Variants in RXFP4 observed in about 807,000 individuals in gnomAD.
RXFP4 encodes the protein relaxin family peptide/INSL5 receptor 4, also known as relaxin-3 receptor 2.
For missense variants in RXFP4, 425 were observed against 491.3 expected, an observed-to-expected ratio of 0.87 and a Z score of 1.28; for synonymous variants, 182 against 218.0, an observed-to-expected ratio of 0.83 and a Z score of 1.45.
chr1:155,942,906 C>T lies in RXFP4; in HGVS notation c.*72C>T. 1 of 1,379,244 alleles carries T rather than the reference C, an allele frequency of 7.3e-7. No individual in the cohort carries two copies. 85.4% of individuals were successfully genotyped at this position (1,379,244 alleles called of 1,614,324 possible). A position where few individuals can be genotyped will look rare whatever the true frequency, so the allele number is the denominator to read the frequency against. ...AGGATCCTTGAGTCCTGGGGAGAAG[C>T]TGCCCTCTCTGCCAGGCTGCAGTGC... On this transcript the variant is annotated 3_prime_UTR_variant, in exon 1 of 1. Coordinates refer to ENST00000368318, the MANE Select transcript of RXFP4 (RefSeq NM_181885.3). This position sits in a 1 kb window ranked among gnomAD's most constrained non-coding sequence, Gnocchi z 5.2.
chr1:155,942,811 C>G lies in RXFP4; in HGVS notation c.1102C>G (p.Leu368Val), dbSNP rs756960746. 10 of 1,526,628 alleles carry G rather than the reference C, an allele frequency of 6.6e-6. No individual in the cohort carries two copies. The highest frequency in any genetic ancestry group is 7.9e-6 in the Non-Finnish European group (9 of 1,143,276). The allele number at this position is 1,526,628 out of a possible 1,614,324, so 94.6% of individuals were successfully genotyped here. A position where few individuals can be genotyped will look rare whatever the true frequency, so the allele number is the denominator to read the frequency against. The change falls in exon 1 of 1, where the codon CTG becomes GTG. Residue 368 changes from leucine to valine, a missense_variant. Physicochemically the swap from Leu to Val is conservative, Grantham distance 32. Transcript: ENST00000368318. This position sits in a 1 kb window ranked among gnomAD's most constrained non-coding sequence, Gnocchi z 5.2. ...ESRPSTLLTN[L>V]DRGTPG ...CCGCCCTTCTACCCTGCTCACCAAC[C>G]TGGACAGAGGGACACCCGGGTGAAG...
chr1:155,942,880 T>G lies in RXFP4; in HGVS notation c.*46T>G, dbSNP rs537991681. Reference sequence around the variant, plus strand: ...TCCTCTTTCTGAGATCCACCAAGTGTAGGATCCTTGAGTCCTGGGGAGAAG... The same window carrying G: ...TCCTCTTTCTGAGATCCACCAAGTGGAGGATCCTTGAGTCCTGGGGAGAAG... On this transcript the variant is annotated 3_prime_UTR_variant, in exon 1 of 1. Coordinates refer to ENST00000368318, the MANE Select transcript of RXFP4 (RefSeq NM_181885.3). The surrounding 1 kb of genome is among the most constrained non-coding windows in gnomAD (Gnocchi z 5.2). 5 of 1,479,842 alleles carry G rather than the reference T, an allele frequency of 3.4e-6. No individual in the cohort carries two copies. The East Asian group carries it at 1.2e-4, about 34-fold the overall frequency. 91.7% of individuals were successfully genotyped at this position (1,479,842 alleles called of 1,614,324 possible).
chr1:155,941,797 C>T lies in RXFP4; in HGVS notation c.88C>T (p.Pro30Ser). The T allele has an allele frequency of 6.2e-7, 1 of 1,614,228 alleles. No individual in the cohort carries two copies. The highest frequency in any genetic ancestry group is 8.5e-7 in the Non-Finnish European group (1 of 1,180,038). The change falls in exon 1 of 1, where the codon CCG becomes TCG. Residue 30 changes from proline (P) to serine (S), a missense_variant. Pro to Ser is a moderately conservative substitution (Grantham distance 74). Coordinates refer to ENST00000368318, the MANE Select transcript of RXFP4 (RefSeq NM_181885.3). ...GGSVLSADDA[P>S]MPVKFLALRL... ...CAGTGTGCTGAGTGCTGATGATGCT[C>T]CGATGCCTGTCAAATTCCTAGCCCT...
chr1:155,942,785 G>T lies in RXFP4; in HGVS notation c.1076G>T (p.Ser359Ile). 1 of 1,561,530 alleles carries T rather than the reference G, an allele frequency of 6.4e-7. No homozygotes were observed. The highest frequency in any genetic ancestry group is 8.6e-7 in the Non-Finnish European group (1 of 1,159,178). ...TGGGTCGCAAGCAACCCCCGGGAGA[G>T]CCGCCCTTCTACCCTGCTCACCAAC... is the stretch of plus-strand genomic sequence containing the variant. ...RRWVASNPRE[S>I]RPSTLLTNLD... The change falls in exon 1 of 1, where the codon AGC becomes ATC. Residue 359 changes from serine (S) to isoleucine (I), a missense_variant. Ser to Ile is a moderately radical substitution (Grantham distance 142, BLOSUM62 -2). Transcript: ENST00000368318. This position sits in a 1 kb window ranked among gnomAD's most constrained non-coding sequence, Gnocchi z 5.2.
At position 155,942,738 on chromosome 1, in the gene RXFP4, C is replaced by T; in HGVS notation, c.1029C>T (p.Ala343=). 6.3e-7 allele frequency: 1 copy of T among 1,599,716 alleles called. No individual in the cohort carries two copies. The highest frequency in any genetic ancestry group is 2.2e-5 in the East Asian group (1 of 44,786). Residue 343 remains alanine (A), a synonymous_variant, in exon 1 of 1, where the codon GCC becomes GCT. Transcript: ENST00000368318. The surrounding 1 kb of genome is among the most constrained non-coding windows in gnomAD (Gnocchi z 5.2). ...PQGGGWVQQV[A]LKQVGRRWVA... is the part of the protein sequence containing the mutation. ...GCGGAGGCTGGGTGCAACAGGTGGCCCTAAAGCAGGTAGGCAGGCGGTGGG... is the reference window on the plus strand; with the variant it reads ...GCGGAGGCTGGGTGCAACAGGTGGCTCTAAAGCAGGTAGGCAGGCGGTGGG...
Position 155,941,693 on chromosome 1 carries a change from ATC to A in RXFP4, c.-13_-12del. ...CAGACCTCTCTTCTCAGCACCACCA[ATC>A]TCTGATGCCCTGCGATGCCCACACT... On this transcript the variant is annotated 5_prime_UTR_variant, in exon 1 of 1. Coordinates refer to ENST00000368318, the MANE Select transcript of RXFP4 (RefSeq NM_181885.3). 6.2e-7 allele frequency: 1 copy of A among 1,610,048 alleles called. No homozygotes were observed.
chr1:155,942,963 A>G lies in RXFP4; in HGVS notation c.*129A>G, dbSNP rs1674343792. ...GGAAAAGTCTGATCTTTGATCCCCA[A>G]CTCTGGGTGTGGTGAATGGGGGAGG... On this transcript the variant is annotated 3_prime_UTR_variant, in exon 1 of 1. Coordinates refer to ENST00000368318, the MANE Select transcript of RXFP4 (RefSeq NM_181885.3). The surrounding 1 kb of genome is among the most constrained non-coding windows in gnomAD (Gnocchi z 5.2). The G allele has an allele frequency of 3.4e-6, 3 of 886,644 alleles. No individual in the cohort carries two copies. Among genetic ancestry groups the G allele is most frequent in the South Asian group, 2.2e-5 (1 of 44,882 alleles). The allele number at this position is 886,644 out of a possible 1,614,324, so 54.9% of individuals were successfully genotyped here. A position where few individuals can be genotyped will look rare whatever the true frequency, so the allele number is the denominator to read the frequency against.
At position 155,942,442 on chromosome 1, in the gene RXFP4, G is replaced by A; in HGVS notation, c.733G>A (p.Ala245Thr). The A allele has an allele frequency of 1.3e-6, 2 of 1,580,936 alleles. No homozygotes were observed. The highest frequency in any genetic ancestry group is 1.7e-6 in the Non-Finnish European group (2 of 1,161,514). Reference protein sequence around the residue: ...QRRRQDSRVVARSVRILVASF... With the variant: ...QRRRQDSRVVTRSVRILVASF... ...GCGGCGGCAGGACAGCAGGGTCGTG[G>A]CCCGCTCTGTCCGCATCCTGGTGGC... The change falls in exon 1 of 1, where the codon GCC becomes ACC. Residue 245 changes from alanine (A) to threonine (T), a missense_variant. Coordinates refer to ENST00000368318, the MANE Select transcript of RXFP4 (RefSeq NM_181885.3). The surrounding 1 kb of genome is among the most constrained non-coding windows in gnomAD (Gnocchi z 5.2).
chr1:155,942,674 G>A lies in RXFP4; in HGVS notation c.965G>A (p.Gly322Asp), dbSNP rs202202296. The change falls in exon 1 of 1, where the codon GGC (glycine) becomes GAC (aspartate). Residue 322 changes from glycine (G) to aspartate (D), a missense_variant. Transcript: ENST00000368318. The surrounding 1 kb of genome is among the most constrained non-coding windows in gnomAD (Gnocchi z 5.2). ...LRREPRQALA[G>D]TFRDLRLRLW... ...CGGGAGCCCCGGCAGGCTCTGGCAG[G>A]CACCTTCAGGGATCTGCGGTTGAGG... is the stretch of plus-strand genomic sequence containing the variant. The A allele has an allele frequency of 1.9e-4, 311 of 1,613,374 alleles. No homozygotes were observed. Among genetic ancestry groups the A allele is most frequent in the Admixed American group, 7.5e-4 (45 of 60,014 alleles).
At position 155,942,908 on chromosome 1, in the gene RXFP4, G is replaced by A. The variant is rs986195450; in HGVS notation, c.*74G>A. ...GATCCTTGAGTCCTGGGGAGAAGCTGCCCTCTCTGCCAGGCTGCAGTGCCC... is the reference window on the plus strand; with the variant it reads ...GATCCTTGAGTCCTGGGGAGAAGCTACCCTCTCTGCCAGGCTGCAGTGCCC... On this transcript the variant is annotated 3_prime_UTR_variant, in exon 1 of 1. Coordinates refer to ENST00000368318, the MANE Select transcript of RXFP4 (RefSeq NM_181885.3). This position sits in a 1 kb window ranked among gnomAD's most constrained non-coding sequence, Gnocchi z 5.2. 3 of 1,378,248 alleles carry A rather than the reference G, an allele frequency of 2.2e-6. No individual in the cohort carries two copies. Among genetic ancestry groups the A allele is most frequent in the African/African-American group, 2.9e-5 (2 of 68,876 alleles). 85.4% of individuals were successfully genotyped at this position (1,378,248 alleles called of 1,614,324 possible).
In RXFP4 at chr1:155,942,202, G is replaced by C. The variant is rs2102616539; in HGVS notation, c.493G>C (p.Val165Leu). 6.2e-7 allele frequency: 1 copy of C among 1,614,030 alleles called. No homozygotes were observed. The highest frequency in any genetic ancestry group is 8.5e-7 in the Non-Finnish European group (1 of 1,180,036). The change falls in exon 1 of 1, where the codon GTG (valine) becomes CTG (leucine). Residue 165 changes from valine (V) to leucine (L), a missense_variant. Transcript: ENST00000368318. The surrounding 1 kb of genome is among the most constrained non-coding windows in gnomAD (Gnocchi z 5.2). ...CTGGGCCCGAATAGCCACCCTGGCA[G>C]TGTGGGCGGCGGCTGCCCTGGTGAC... The part of the protein sequence containing the change: ...LFWARIATLA[V>L]WAAAALVTVP...
At position 155,942,306 on chromosome 1, in the gene RXFP4, C is replaced by T. The variant is rs1444728293; in HGVS notation, c.597C>T (p.Tyr199=). ...RLCLLRFPSR[Y]WLGAYQLQRV... ...GCCTGCTGCGTTTCCCCAGCAGGTA[C>T]TGGCTGGGGGCCTACCAGCTGCAGA... The change falls in exon 1 of 1, where the codon TAC becomes TAT. Residue 199 remains tyrosine, a synonymous_variant. Transcript: ENST00000368318. This position sits in a 1 kb window ranked among gnomAD's most constrained non-coding sequence, Gnocchi z 5.2. The T allele has an allele frequency of 8.8e-6, 14 of 1,591,620 alleles. No individual in the cohort carries two copies. Among genetic ancestry groups the T allele is most frequent in the Non-Finnish European group, 1.1e-5 (13 of 1,165,900 alleles).
Position 155,943,014 on chromosome 1 carries a change from T to C in RXFP4, c.*180T>C. ...CGGGGGCTCAGATCAGAGCTGGATG[T>C]GACAAAGCTTAAGTCTTTATTTGGA... On this transcript the variant is annotated 3_prime_UTR_variant, in exon 1 of 1. Transcript: ENST00000368318. 1.9e-6 allele frequency: 1 copy of C among 517,164 alleles called. No individual in the cohort carries two copies. Among genetic ancestry groups the C allele is most frequent in the Non-Finnish European group, 3.3e-6 (1 of 301,296 alleles). 32.0% of individuals were successfully genotyped at this position (517,164 alleles called of 1,614,324 possible). A position where few individuals can be genotyped will look rare whatever the true frequency, so the allele number is the denominator to read the frequency against.
In RXFP4 at chr1:155,942,080, A is replaced by T; in HGVS notation, c.371A>T (p.Asn124Ile). Residue 124 changes from asparagine to isoleucine, a missense_variant, in exon 1 of 1, where the codon AAC becomes ATC. Coordinates refer to ENST00000368318, the MANE Select transcript of RXFP4 (RefSeq NM_181885.3). This position sits in a 1 kb window ranked among gnomAD's most constrained non-coding sequence, Gnocchi z 5.2. ...ATGGTTCTGACGGCCACTGTCCTCA[A>T]CGTCTATGCCAGCATCTTCCTCATC... ...CKMVLTATVL[N>I]VYASIFLITA... is the part of the protein sequence containing the mutation. 1 of 1,611,546 alleles carries T rather than the reference A, an allele frequency of 6.2e-7. No homozygotes were observed. Among genetic ancestry groups the T allele is most frequent in the Non-Finnish European group, 8.5e-7 (1 of 1,180,010 alleles).
In RXFP4 at chr1:155,942,931, C is replaced by A; in HGVS notation, c.*97C>A. On this transcript the variant is annotated 3_prime_UTR_variant, in exon 1 of 1. Coordinates refer to ENST00000368318, the MANE Select transcript of RXFP4 (RefSeq NM_181885.3). This position sits in a 1 kb window ranked among gnomAD's most constrained non-coding sequence, Gnocchi z 5.2. Reference sequence around the variant, plus strand: ...CTGCCCTCTCTGCCAGGCTGCAGTGCCCTCAGGGAAAAGTCTGATCTTTGA... The same window carrying A: ...CTGCCCTCTCTGCCAGGCTGCAGTGACCTCAGGGAAAAGTCTGATCTTTGA... The A allele has an allele frequency of 1.6e-6, 2 of 1,236,860 alleles. No homozygotes were observed. Among genetic ancestry groups the A allele is most frequent in the Non-Finnish European group, 2.2e-6 (2 of 927,572 alleles). 76.6% of individuals were successfully genotyped at this position (1,236,860 alleles called of 1,614,324 possible). A position where few individuals can be genotyped will look rare whatever the true frequency, so the allele number is the denominator to read the frequency against.
rs769282364 is a variant in RXFP4, at chr1:155,941,759, A to G, written c.50A>G (p.Asn17Ser). Residue 17 changes from asparagine to serine, a missense_variant, in exon 1 of 1, where the codon AAT becomes AGT. Transcript: ENST00000368318. ...SASPPTFFWA[N>S]ASGGSVLSAD... ...TCTCCACCCACATTCTTCTGGGCCA[A>G]TGCCTCCGGAGGCAGTGTGCTGAGT... The G allele has an allele frequency of 1.8e-5, 29 of 1,613,962 alleles. No individual in the cohort carries two copies. The highest frequency in any genetic ancestry group is 2.4e-5 in the Non-Finnish European group (28 of 1,179,994).
chr1:155,941,713 C>A lies in RXFP4; in HGVS notation c.4C>A (p.Pro2Thr). ...CACCAATCTCTGATGCCCTGCGATGCCCACACTCAATACTTCTGCCTCTCC... is the reference window on the plus strand; with the variant it reads ...CACCAATCTCTGATGCCCTGCGATGACCACACTCAATACTTCTGCCTCTCC... MPTLNTSASPPT... is the reference protein window; with the variant it reads MTTLNTSASPPT... The change falls in exon 1 of 1, where the codon CCC (proline) becomes ACC (threonine). Residue 2 changes from proline (P) to threonine (T), a missense_variant. By Grantham distance (38) the Pro-to-Thr change is conservative. Coordinates refer to ENST00000368318, the MANE Select transcript of RXFP4 (RefSeq NM_181885.3). The A allele has an allele frequency of 6.2e-7, 1 of 1,613,582 alleles. No homozygotes were observed. Among genetic ancestry groups the A allele is most frequent in the Non-Finnish European group, 8.5e-7 (1 of 1,179,582 alleles).
In RXFP4 at chr1:155,942,161, C is replaced by T; in HGVS notation, c.452C>T (p.Thr151Ile). 1 of 1,613,878 alleles carries T rather than the reference C, an allele frequency of 6.2e-7. No individual in the cohort carries two copies. Among genetic ancestry groups the T allele is most frequent in the Non-Finnish European group, 8.5e-7 (1 of 1,179,992 alleles). ...WVVAMAAGPG[T>I]HLSLFWARIA... The stretch of plus-strand genomic sequence containing the variant: ...GTGGCCATGGCTGCGGGGCCAGGCA[C>T]CCACCTCTCACTCTTCTGGGCCCGA... Residue 151 changes from threonine (T) to isoleucine (I), a missense_variant, in exon 1 of 1, where the codon ACC becomes ATC. Thr to Ile is a moderately conservative substitution (Grantham distance 89, BLOSUM62 -1). Transcript: ENST00000368318. The surrounding 1 kb of genome is among the most constrained non-coding windows in gnomAD (Gnocchi z 5.2).
rs1216582572 is a variant in RXFP4 at position 155,942,077 on chromosome 1, T to C, written c.368T>C (p.Leu123Pro). 6.2e-7 allele frequency: 1 copy of C among 1,611,502 alleles called. No individual in the cohort carries two copies. The highest frequency in any genetic ancestry group is 8.5e-7 in the Non-Finnish European group (1 of 1,180,010). Residue 123 changes from leucine to proline, a missense_variant, in exon 1 of 1, where the codon CTC becomes CCC. By Grantham distance (98) the Leu-to-Pro change is moderately conservative. Coordinates refer to ENST00000368318, the MANE Select transcript of RXFP4 (RefSeq NM_181885.3). The surrounding 1 kb of genome is among the most constrained non-coding windows in gnomAD (Gnocchi z 5.2). ...LCKMVLTATV[L>P]NVYASIFLIT... The stretch of plus-strand genomic sequence containing the variant: ...AAGATGGTTCTGACGGCCACTGTCC[T>C]CAACGTCTATGCCAGCATCTTCCTC...
Sources: gnomAD v4.1 joint callset for allele counts on GRCh38, gnomAD v4.1.1 for gene constraint, Gnocchi (gnomAD v3.1) non-coding constraint, MANE v1.5 for transcripts, NCBI Gene and HGNC (gene_info 2026-07-23, HGNC 2026-07-21) for gene names.